Variants in TRHR observed in about 807,000 individuals in gnomAD.
The protein encoded by TRHR is thyrotropin releasing hormone receptor.
In TRHR, 14 loss-of-function variants were observed where a neutral mutation model predicts 28.0. The observed-to-expected ratio is 0.50, with a 90% CI of 0.33 to 0.78. TRHR has a LOEUF of 0.78. Ranked by LOEUF, TRHR falls within the 30% of genes least tolerant of loss-of-function variation. The probability of loss-of-function intolerance (pLI) is 0.02; values close to 1 mark genes in which losing one functional copy is unlikely to be tolerated. For missense variants in TRHR, 438 were observed against 469.5 expected (o/e 0.93, Z 0.62); for synonymous variants, 176 against 171.9 (o/e 1.02, Z -0.18).
chr8:109,088,228 C>T lies in TRHR; in HGVS notation c.716C>T (p.Thr239Ile), dbSNP rs1427801421. 1.2e-6 allele frequency: 2 copies of T among 1,614,044 alleles called. No homozygotes were observed. Among genetic ancestry groups the T allele is most frequent in the East Asian group, 2.2e-5 (1 of 44,864 alleles). Reference protein sequence around the residue: ...ENSKTWKNDSTHQNTNLNVNT... With the variant: ...ENSKTWKNDSIHQNTNLNVNT... The stretch of plus-strand genomic sequence containing the variant: ...TCTAAGACATGGAAAAATGATTCAA[C>T]CCATCAGAACACAAATCTGAATGTA... Residue 239 changes from threonine to isoleucine, a missense_variant, in exon 2 of 3, where the codon ACC (threonine) becomes ATC (isoleucine). Physicochemically the swap from Thr to Ile is moderately conservative, Grantham distance 89 (BLOSUM62 -1). Coordinates refer to ENST00000518632, the MANE Select transcript of TRHR (RefSeq NM_003301.7).
intron 2 of TRHR, among the ~76,000 whole-genome samples, chr8:109,092,180 T>C (rs1346727502): frequency 2.0e-5 from 3 of 152,124 alleles, no homozygotes; most frequent in Non-Finnish European, 4.4e-5. Flanking sequence ...TTATTATCAA[T>C]GGAGTTGCTT....
At chr8:109,113,398 G>A (rs1407509524) in intron 2 of TRHR, among the ~76,000 whole-genome samples, 1 of 152,030 alleles carries the variant, frequency 6.6e-6, no homozygotes, top group African/African-American at 2.4e-5. Context: ...TCAACTTAAA[G>A]TGCATTCTAT....
Position 109,087,811 on chromosome 8 carries a change from G to A in TRHR, c.299G>A (p.Cys100Tyr), listed in dbSNP as rs749196301. 1 of 1,614,142 alleles carries A rather than the reference G, an allele frequency of 6.2e-7. No homozygotes were observed. Among genetic ancestry groups the A allele is most frequent in the Non-Finnish European group, 8.5e-7 (1 of 1,180,038 alleles). The change falls in exon 2 of 3, where the codon TGC becomes TAC. Residue 100 changes from cysteine (C) to tyrosine (Y), a missense_variant. Transcript: ENST00000518632. The part of the protein sequence containing the change: ...SWVYGYVGCL[C>Y]ITYLQYLGIN... ...GTCTATGGCTATGTTGGATGCCTCT[G>A]CATTACTTACCTCCAGTATTTGGGA...
At chr8:109,114,375 T>A (rs1338013643) in intron 2 of TRHR, among the ~76,000 whole-genome samples, 1 of 152,092 alleles carries the variant, frequency 6.6e-6, no homozygotes, top group Non-Finnish European at 1.5e-5. Context: ...TGCCTGCTTC[T>A]GTGTTGACTA....
At chr8:109,112,664 AATATT>A (rs1811852790) in intron 2 of TRHR, among the ~76,000 whole-genome samples, 1 of 152,172 alleles carries the variant, frequency 6.6e-6, no homozygotes, top group Non-Finnish European at 1.5e-5. Flanking sequence ...TTCTGGCAAC[AATATT>A]ATGTCTTTCA....
At chr8:109,118,079 C>T (rs1345887101) in intron 2 of TRHR, among the ~76,000 whole-genome samples, 2 of 151,918 alleles carry the variant, frequency 1.3e-5, no homozygotes, top group Non-Finnish European at 2.9e-5. Context: ...TTTGCTTTCT[C>T]TCTCTTTCAC....
intron 2 of TRHR, among the ~76,000 whole-genome samples, chr8:109,116,850 A>G (rs1373464961): frequency 6.6e-6 from 1 of 151,956 alleles, no homozygotes; most frequent in Non-Finnish European, 1.5e-5. Flanking sequence ...GGAGTTTACT[A>G]TTTATTTGAG....
At chr8:109,099,426 C>G (rs1041391047) in intron 2 of TRHR, among the ~76,000 whole-genome samples, 1 of 152,138 alleles carries the variant, frequency 6.6e-6, no homozygotes, top group African/African-American at 2.4e-5. Context: ...TTAGTGGATT[C>G]TCTCAGTTGG....
At position 109,086,814 on chromosome 8, in the gene TRHR, C is replaced by T. The variant is rs1422554100; in HGVS notation, c.-158C>T. On this transcript the variant is annotated 5_prime_UTR_variant, in exon 1 of 3. Coordinates refer to ENST00000518632, the MANE Select transcript of TRHR (RefSeq NM_003301.7). Reference sequence around the variant, plus strand: ...CAAATAGAGTAGACAAGATTTTCTGCAAGATTAGAAACTTGGAACTATTAC... The same window carrying T: ...CAAATAGAGTAGACAAGATTTTCTGTAAGATTAGAAACTTGGAACTATTAC... The T allele has an allele frequency of 6.6e-6, 1 of 152,508 alleles. No homozygotes were observed. The highest frequency in any genetic ancestry group is 2.4e-5 in the African/African-American group (1 of 41,430). 9.4% of individuals were successfully genotyped at this position (152,508 alleles called of 1,614,324 possible).
intron 2 of TRHR, 105 bp downstream of exon 2, chr8:109,088,406 C>A: frequency 8.6e-7 from 1 of 1,157,178 alleles, no homozygotes; most frequent in Non-Finnish European, 1.3e-6. Flanking sequence ...AACCAAAATA[C>A]AATCATGCAA....
intron 2 of TRHR, among the ~76,000 whole-genome samples, chr8:109,100,381 G>A (rs567785979): frequency 1.3e-5 from 2 of 152,026 alleles, no homozygotes; most frequent in East Asian, 3.9e-4. Flanking sequence ...AAATCAATAC[G>A]TTGGCATAAA....
chr8:109,103,360 C>T (rs1168496572), intron 2 of TRHR, among the ~76,000 whole-genome samples: 1 of 152,050 alleles, frequency 6.6e-6, no homozygotes, highest in Non-Finnish European at 1.5e-5. Flanking sequence ...AGCCTTGTGA[C>T]AAAAGCAACG....
At position 109,119,698 on chromosome 8, in the gene TRHR, G is replaced by T; in HGVS notation, c.*243G>T. On this transcript the variant is annotated 3_prime_UTR_variant, in exon 3 of 3. Coordinates refer to ENST00000518632, the MANE Select transcript of TRHR (RefSeq NM_003301.7). The stretch of plus-strand genomic sequence containing the variant: ...AATAGCTAAATGATGGAAACTTAAA[G>T]TTTAGCCCTTTTCATTTAACTTAAG... 1 of 460,368 alleles carries T rather than the reference G, an allele frequency of 2.2e-6. No individual in the cohort carries two copies. The highest frequency in any genetic ancestry group is 3.8e-6 in the Non-Finnish European group (1 of 260,276). The allele number at this position is 460,368 out of a possible 1,614,324, so 28.5% of individuals were successfully genotyped here.
At chr8:109,106,060 T>G (rs1811746575) in intron 2 of TRHR, among the ~76,000 whole-genome samples, 1 of 152,164 alleles carries the variant, frequency 6.6e-6, no homozygotes, top group South Asian at 2.1e-4. Context: ...AATTGCCAAA[T>G]GCAGGAAAGA....
chr8:109,098,551 C>T (rs921966930), intron 2 of TRHR, among the ~76,000 whole-genome samples: 9 of 152,138 alleles, frequency 5.9e-5, no homozygotes, highest in African/African-American at 1.9e-4. Context: ...CTTCAATCTT[C>T]GCATTTTCTA....
At chr8:109,116,061 A>G (rs1027710488) in intron 2 of TRHR, among the ~76,000 whole-genome samples, 4 of 152,134 alleles carry the variant, frequency 2.6e-5, no homozygotes, top group Non-Finnish European at 5.9e-5. Context: ...TGAGATAATC[A>G]TGTGGTTTTT....
chr8:109,094,659 T>C (rs950414105), intron 2 of TRHR, among the ~76,000 whole-genome samples: 2 of 151,940 alleles, frequency 1.3e-5, no homozygotes, highest in Non-Finnish European at 2.9e-5. Flanking sequence ...GTGTGTTTTG[T>C]GTGCTTTTAG....
At position 109,119,332 on chromosome 8, in the gene TRHR, G is replaced by A. The variant is rs779622576; in HGVS notation, c.1074G>A (p.Lys358=). 2 of 1,612,266 alleles carry A rather than the reference G, an allele frequency of 1.2e-6. No homozygotes were observed. The highest frequency in any genetic ancestry group is 2.7e-5 in the African/African-American group (2 of 74,722). Residue 358 remains lysine, a synonymous_variant, in exon 3 of 3, where the codon AAG becomes AAA. Transcript: ENST00000518632. The part of the protein sequence containing the change: ...YSVALNYSVI[K]ESDHFSTELD... ...TGGCCCTAAATTACAGCGTCATCAAGGAGTCAGACCATTTCAGCACAGAGC... is the reference window on the plus strand; with the variant it reads ...TGGCCCTAAATTACAGCGTCATCAAAGAGTCAGACCATTTCAGCACAGAGC...
rs535645925 is a variant in TRHR, at chr8:109,091,451, C to T, written c.789+3150C>T. Reference sequence around the variant, plus strand: ...ACCTTTGAAAGGTTCAAACCTCCACCTTCTATAGCCAAAGGACTTTAATTT... The same window carrying T: ...ACCTTTGAAAGGTTCAAACCTCCACTTTCTATAGCCAAAGGACTTTAATTT... On this transcript the variant is annotated intron_variant, in intron 2 of 2. Transcript: ENST00000518632. Among the ~76,000 whole-genome samples the T allele has an allele frequency of 1.3e-3, 204 of 152,272 alleles. 3 individuals carry two copies. Among genetic ancestry groups the T allele is most frequent in the Non-Finnish European group, 1.9e-3 (127 of 68,016 alleles).
Sources: gnomAD v4.1 joint callset for allele counts (sites outside exome capture counted in the v4.1 genomes callset) on GRCh38, gnomAD v4.1.1 for gene constraint, MANE v1.5 for transcripts, NCBI Gene and HGNC (gene_info 2026-07-23, HGNC 2026-07-21) for gene names.